CLIC5: variants seen among roughly 807,000 people sequenced by gnomAD.
CLIC5 encodes the protein CLIC family member 5.
A neutral mutation model predicts 24.7 loss-of-function variants in CLIC5; 20 were observed. The ratio of observed to expected loss-of-function variants is 0.81; its 90% CI spans 0.57 to 1.18. The LOEUF is 1.18. Ranked by LOEUF, CLIC5 falls within the 50% of genes most tolerant of loss-of-function variation. The pLI is 0.00. For synonymous variants in CLIC5, 159 were observed against 135.6 expected, an observed-to-expected ratio of 1.17 and a Z score of -1.20; for missense variants, 341 against 326.1, an observed-to-expected ratio of 1.05 and a Z score of -0.35.
At chr6:46,024,962 T>C (rs1187829228) in intron 1 of CLIC5, among the ~76,000 whole-genome samples, 1 of 152,176 alleles carries the variant, frequency 6.6e-6, no homozygotes, top group Non-Finnish European at 1.5e-5. Context: ...AGAGAAAGGC[T>C]ATGTGTGTAG....
chr6:45,954,665 G>A (rs3777591), intron 2 of CLIC5, among the ~76,000 whole-genome samples: 123,699 of 152,098 alleles, frequency 0.81, 51,144 homozygotes, highest in Non-Finnish European at 0.89. Flanking sequence ...GTTGCTTTTC[G>A]TCCAAGCCTG....
intron 1 of CLIC5, among the ~76,000 whole-genome samples, chr6:46,033,327 AT>A (rs933944131): frequency 3.3e-5 from 5 of 151,194 alleles, no homozygotes; most frequent in African/African-American, 1.2e-4. Context: ...ATGCAGACTT[AT>A]TTTCTTTATT....
At chr6:46,113,504 C>G in the CLIC5 span, among the ~76,000 whole-genome samples, 1 of 152,100 alleles carries the variant, frequency 6.6e-6, no homozygotes, top group African/African-American at 2.4e-5. Context: ...AGCAAGTAGG[C>G]AGGTTCTGTC....
At chr6:46,073,023 G>A (rs1461032683) in intron 1 of CLIC5, among the ~76,000 whole-genome samples, 1 of 152,204 alleles carries the variant, frequency 6.6e-6, no homozygotes, top group Non-Finnish European at 1.5e-5. Flanking sequence ...TAGCTTGCCA[G>A]TGATTTGCAG....
intron 1 of CLIC5, among the ~76,000 whole-genome samples, chr6:45,955,511 G>A (rs1391404904): frequency 6.6e-6 from 1 of 152,028 alleles, no homozygotes; most frequent in African/African-American, 2.4e-5. Flanking sequence ...TAGAACCCTT[G>A]GGGTAAAAAT....
intron 4 of CLIC5, among the ~76,000 whole-genome samples, chr6:45,930,875 G>C (rs1013828115): frequency 6.6e-6 from 1 of 152,192 alleles, no homozygotes; most frequent in Non-Finnish European, 1.5e-5. Context: ...CCGTTGAGGA[G>C]GCTGAGGCAT....
At chr6:45,913,279 C>T (rs1762886837) in intron 5 of CLIC5, among the ~76,000 whole-genome samples, 1 of 152,140 alleles carries the variant, frequency 6.6e-6, no homozygotes, top group African/African-American at 2.4e-5. Flanking sequence ...GTATGGCTAT[C>T]TGATACTAGG....
At chr6:45,963,462 G>A (rs1010823618) in intron 1 of CLIC5, among the ~76,000 whole-genome samples, 3 of 152,080 alleles carry the variant, frequency 2.0e-5, no homozygotes, top group African/African-American at 7.2e-5. Flanking sequence ...TTATGCACTG[G>A]CCTGCCTGTG....
chr6:46,068,996 C>T lies in CLIC5; in HGVS notation c.540+10707G>A, dbSNP rs9472681. ...GAAGGAGTGCAGAGCCAACACAGCCCAGCCTTTTAGGGAGGGACGAGGAAA... is the reference window on the plus strand; with the variant it reads ...GAAGGAGTGCAGAGCCAACACAGCCTAGCCTTTTAGGGAGGGACGAGGAAA... On this transcript the variant is annotated intron_variant, in intron 1 of 5. Transcript: ENST00000185206. Among the ~76,000 whole-genome samples, 638 of 152,222 alleles carry T rather than the reference C, an allele frequency of 4.2e-3. 2 individuals are homozygous for T. The highest frequency in any genetic ancestry group is 0.014 in the African/African-American group (582 of 41,552).
chr6:45,974,357 C>T (rs1765306857), intron 1 of CLIC5, among the ~76,000 whole-genome samples: 1 of 151,466 alleles, frequency 6.6e-6, no homozygotes, highest in Admixed American at 6.6e-5. Flanking sequence ...ATTATAGCTT[C>T]CAGGCACCTA....
chr6:45,963,244 C>T (rs1417748745), intron 1 of CLIC5, among the ~76,000 whole-genome samples: 2 of 151,762 alleles, frequency 1.3e-5, no homozygotes, highest in African/African-American at 4.8e-5. Context: ...TTTGATTATC[C>T]TTTCTTCTTA....
chr6:45,995,980 G>A (rs898792085), intron 1 of CLIC5, among the ~76,000 whole-genome samples: 4 of 152,088 alleles, frequency 2.6e-5, no homozygotes, highest in Non-Finnish European at 5.9e-5. Flanking sequence ...CTGGGGTGGG[G>A]GGAGAGAGAG....
chr6:46,117,743 G>A, the CLIC5 span, among the ~76,000 whole-genome samples: 3 of 152,168 alleles, frequency 2.0e-5, no homozygotes, highest in Non-Finnish European at 4.4e-5. Context: ...GTCCAGAGGT[G>A]AGCCACTTTA....
At chr6:45,958,999 C>T (rs143682293) in intron 1 of CLIC5, among the ~76,000 whole-genome samples, 1 of 152,174 alleles carries the variant, frequency 6.6e-6, no homozygotes, top group Admixed American at 6.5e-5. Context: ...TACATACATA[C>T]ATACATGGTT....
At chr6:46,121,360 C>A in the CLIC5 span, among the ~76,000 whole-genome samples, 200 of 152,222 alleles carry the variant, frequency 1.3e-3, no homozygotes, top group African/African-American at 3.8e-3. Flanking sequence ...GAAATAAAAT[C>A]CTTTACAGAC....
chr6:46,086,637 C>T, the CLIC5 span, among the ~76,000 whole-genome samples: 1 of 152,170 alleles, frequency 6.6e-6, no homozygotes, highest in Non-Finnish European at 1.5e-5. Flanking sequence ...AATGAGCAGC[C>T]ACATAACACA....
chr6:46,085,101 T>C (rs1763003363), upstream of CLIC5, among the ~76,000 whole-genome samples: 3 of 152,376 alleles, frequency 2.0e-5, no homozygotes, highest in East Asian at 5.8e-4. Context: ...CACGTAGTTC[T>C]GGAGCCTTGG....
At chr6:45,970,662 C>T (rs576756198) in intron 1 of CLIC5, among the ~76,000 whole-genome samples, 1 of 152,176 alleles carries the variant, frequency 6.6e-6, no homozygotes, top group Non-Finnish European at 1.5e-5. Context: ...CCAAGCCCTA[C>T]CATATTTTCT....
chr6:46,015,589 T>C lies in CLIC5; in HGVS notation c.-47A>G, dbSNP rs750834663. On this transcript the variant is annotated 5_prime_UTR_variant, in exon 1 of 6. Coordinates refer to ENST00000339561, the MANE Select transcript of CLIC5 (RefSeq NM_016929.5). The stretch of plus-strand genomic sequence containing the variant: ...CGTCCCGGGCCGGGGAGGCGCCACC[T>C]CTGCAGCACCTGGGCCAGCACTCTG... The C allele has an allele frequency of 8.0e-5, 123 of 1,533,992 alleles. No homozygotes were observed. Among genetic ancestry groups the C allele is most frequent in the Admixed American group, 4.0e-5 (2 of 49,412 alleles).
Sources: allele counts gnomAD v4.1 joint callset (sites outside exome capture counted in the v4.1 genomes callset), GRCh38; gene constraint gnomAD v4.1.1; transcripts MANE v1.5; gene names NCBI Gene and HGNC (gene_info 2026-07-23, HGNC 2026-07-21).